GRM1: variants seen among roughly 807,000 people sequenced by gnomAD.
GRM1 encodes glutamate metabotropic receptor 1.
GRM1 carries 33 observed loss-of-function variants against 90.9 expected under a neutral mutation model. That is an observed-to-expected ratio of 0.36 (90% CI 0.28 to 0.49). GRM1 has a LOEUF of 0.49. Ranked by LOEUF, GRM1 falls within the 20% of genes least tolerant of loss-of-function variation. The pLI, the probability that GRM1 is intolerant of heterozygous loss-of-function variation, is 0.99. For synonymous variants in GRM1, 700 were observed against 613.2 expected, an observed-to-expected ratio of 1.14 and a Z score of -2.09; for missense variants, 1,190 against 1,534.3, an observed-to-expected ratio of 0.78 and a Z score of 3.75.
rs1778586350 is a variant in GRM1 at position 146,436,094 on chromosome 6, G to C, written c.*1298G>C. 1 of 152,528 alleles carries C rather than the reference G, an allele frequency of 6.6e-6. No individual in the cohort carries two copies. Among genetic ancestry groups the C allele is most frequent in the Admixed American group, 6.6e-5 (1 of 15,264 alleles). The allele number at this position is 152,528 out of a possible 1,614,324, so 9.4% of individuals were successfully genotyped here. Reference sequence around the variant, plus strand: ...TTGACTGGTCAATGTCAACCTAGTAGTCAATCTAACTGCAATTAGAAATTG... The same window carrying C: ...TTGACTGGTCAATGTCAACCTAGTACTCAATCTAACTGCAATTAGAAATTG... On this transcript the variant is annotated 3_prime_UTR_variant, in exon 8 of 8. Coordinates refer to ENST00000282753, the MANE Select transcript of GRM1 (RefSeq NM_001278064.2).
At chr6:146,069,606 A>G (rs913009531) in intron 1 of GRM1, among the ~76,000 whole-genome samples, 2 of 152,224 alleles carry the variant, frequency 1.3e-5, no homozygotes, top group African/African-American at 4.8e-5. Flanking sequence ...CAAAAAGTCC[A>G]TGAGTTAAGT....
At chr6:146,227,977 G>A (rs529253447) in intron 2 of GRM1, among the ~76,000 whole-genome samples, 20 of 151,974 alleles carry the variant, frequency 1.3e-4, no homozygotes, top group Non-Finnish European at 2.8e-4. Flanking sequence ...TTCTTTTGTT[G>A]TTGTCAAGCG....
intron 2 of GRM1, among the ~76,000 whole-genome samples, chr6:146,206,847 T>C (rs1334269991): frequency 2.0e-5 from 3 of 152,104 alleles, no homozygotes; most frequent in African/African-American, 7.2e-5. Context: ...TGTTTCTTTC[T>C]TTGTGTTCAT....
intron 2 of GRM1, among the ~76,000 whole-genome samples, chr6:146,215,129 A>C (rs1251683222): frequency 6.6e-6 from 1 of 152,208 alleles, no homozygotes; most frequent in African/African-American, 2.4e-5. Flanking sequence ...TTTTGTATAA[A>C]GTCCACTCAA....
chr6:146,433,398 A>G lies in GRM1; in HGVS notation c.2661-474A>G, dbSNP rs373824872. 2.6e-4 allele frequency among the ~76,000 whole-genome samples: 39 copies of G among 152,306 alleles called. 1 individual carries two copies. In the East Asian group the frequency reaches 7.5e-3, roughly 29 times the overall value. ...AGGATCTATTTTATAATCCCACAACACAACGAGAGTAGCTTTGTATGTGGG... is the reference window on the plus strand; with the variant it reads ...AGGATCTATTTTATAATCCCACAACGCAACGAGAGTAGCTTTGTATGTGGG... On this transcript the variant is annotated intron_variant, in intron 7 of 7. Transcript: ENST00000282753.
At chr6:146,400,828 T>C (rs976743480) in intron 7 of GRM1, among the ~76,000 whole-genome samples, 8 of 152,158 alleles carry the variant, frequency 5.3e-5, no homozygotes, top group Admixed American at 3.9e-4. Flanking sequence ...AATCATTCCA[T>C]CCATCTGAAC....
At chr6:146,150,648 G>T (rs558723640) in intron 1 of GRM1, among the ~76,000 whole-genome samples, 1 of 152,184 alleles carries the variant, frequency 6.6e-6, no homozygotes, top group South Asian at 2.1e-4. Flanking sequence ...CTAAATAGTA[G>T]ATATTCATTT....
At chr6:146,366,880 G>A (rs548724068) in intron 5 of GRM1, among the ~76,000 whole-genome samples, 1 of 152,144 alleles carries the variant, frequency 6.6e-6, no homozygotes, top group East Asian at 1.9e-4. Flanking sequence ...TGTTTCCTTT[G>A]CTGTGAAGGA....
chr6:146,207,633 C>G (rs948183450), intron 2 of GRM1, among the ~76,000 whole-genome samples: 1 of 152,010 alleles, frequency 6.6e-6, no homozygotes, highest in Non-Finnish European at 1.5e-5. Context: ...CTAGAGACAC[C>G]CCCAGATATT....
chr6:146,287,936 T>A (rs1782824555), intron 2 of GRM1, among the ~76,000 whole-genome samples: 2 of 152,210 alleles, frequency 1.3e-5, no homozygotes, highest in Admixed American at 6.5e-5. Context: ...AACTGTAAGA[T>A]AATCAATCTG....
chr6:146,352,620 C>A, intron 4 of GRM1, 124 bp downstream of exon 4: 3 of 914,788 alleles, frequency 3.3e-6, no homozygotes, highest in African/African-American at 1.6e-5. Context: ...AACTAGGTAG[C>A]AAAAAGTCCA....
At chr6:146,143,929 A>G (rs1055198613) in intron 1 of GRM1, among the ~76,000 whole-genome samples, 2 of 152,248 alleles carry the variant, frequency 1.3e-5, no homozygotes, top group South Asian at 2.1e-4. Context: ...GCTCAAGGTC[A>G]TAGCTAGTTA....
intron 1 of GRM1, among the ~76,000 whole-genome samples, chr6:146,124,550 G>A (rs1345675791): frequency 6.6e-6 from 1 of 151,950 alleles, no homozygotes; most frequent in Non-Finnish European, 1.5e-5. Context: ...ACAGATATAA[G>A]GTGATATATT....
chr6:146,271,475 A>C (rs560462086), intron 2 of GRM1, among the ~76,000 whole-genome samples: 36 of 152,248 alleles, frequency 2.4e-4, no homozygotes, highest in African/African-American at 5.5e-4. Flanking sequence ...AGGCTGTGGA[A>C]AAGGAGACAA....
chr6:146,349,400 T>A (rs992252225), intron 3 of GRM1, among the ~76,000 whole-genome samples: 5 of 151,988 alleles, frequency 3.3e-5, no homozygotes, highest in Non-Finnish European at 7.4e-5. Context: ...TTATTGTAGA[T>A]ATGAAGCTAT....
intron 1 of GRM1, among the ~76,000 whole-genome samples, chr6:146,052,594 G>T (rs1268067964): frequency 6.6e-6 from 1 of 151,920 alleles, no homozygotes; most frequent in East Asian, 1.9e-4. Flanking sequence ...GGGTCTCCTT[G>T]CCATCCTTGA....
chr6:146,376,646 C>G (rs1270602698), intron 5 of GRM1, among the ~76,000 whole-genome samples: 1 of 152,032 alleles, frequency 6.6e-6, no homozygotes, highest in African/African-American at 2.4e-5. Context: ...AGTCTGCTGC[C>G]TGACATATTG....
At chr6:146,243,732 G>A (rs1780948214) in intron 2 of GRM1, among the ~76,000 whole-genome samples, 1 of 152,124 alleles carries the variant, frequency 6.6e-6, no homozygotes, top group South Asian at 2.1e-4. Context: ...CATCTTATCA[G>A]GAGACAGGGT....
At chr6:146,123,854 A>G (rs192412549) in intron 1 of GRM1, among the ~76,000 whole-genome samples, 4 of 152,240 alleles carry the variant, frequency 2.6e-5, no homozygotes, top group Admixed American at 2.0e-4. Flanking sequence ...CCATGGATTC[A>G]TCCTTATTTT....
Sources: allele counts gnomAD v4.1 joint callset (sites outside exome capture counted in the v4.1 genomes callset), GRCh38; gene constraint gnomAD v4.1.1; transcripts MANE v1.5; gene names NCBI Gene and HGNC (gene_info 2026-07-23, HGNC 2026-07-21).